The following ADORA2B variants were observed in gnomAD, a reference collection of about 807,000 sequenced individuals.
The protein encoded by ADORA2B is adenosine receptor A2b.
In ADORA2B, 18 loss-of-function variants were observed where a neutral mutation model predicts 20.8. The observed-to-expected ratio is 0.87, with a 90% CI of 0.60 to 1.29. The LOEUF (loss-of-function observed/expected upper bound fraction) is 1.29. Ranked by LOEUF, ADORA2B falls within the 50% of genes most tolerant of loss-of-function variation. ADORA2B has a pLI of 0.00. For missense variants in ADORA2B, 441 were observed against 422.7 expected (o/e 1.04, Z -0.38); for synonymous variants, 179 against 178.3 (o/e 1.00, Z -0.03).
At chr17:15,913,994 C>A in the ADORA2B span, among the ~76,000 whole-genome samples, 1 of 152,150 alleles carries the variant, frequency 6.6e-6, no homozygotes, top group African/African-American at 2.4e-5. Flanking sequence ...GCAGAGTCTT[C>A]GATCTTCTCA....
At chr17:15,917,210 G>A in the ADORA2B span, among the ~76,000 whole-genome samples, 3 of 152,348 alleles carry the variant, frequency 2.0e-5, no homozygotes, top group East Asian at 5.8e-4. Flanking sequence ...AGTCAGAGGC[G>A]GGAGAATCGC....
At chr17:15,969,103 ACATGCCCTGGACCCTGCATCCTCCAC>A (rs1471775528) in intron 1 of ADORA2B, among the ~76,000 whole-genome samples, 10 of 152,006 alleles carry the variant, frequency 6.6e-5, no homozygotes, top group African/African-American at 2.4e-4. Flanking sequence ...GTCCTTCCCC[ACATGCCCTGGACCCTGCATCCTCCAC>A]CTCCTCCCAT....
chr17:15,974,652 C>A (rs547618661), intron 1 of ADORA2B, 27 bp from the exon 2 acceptor site: 29 of 1,594,790 alleles, frequency 1.8e-5, no homozygotes, highest in Admixed American at 3.4e-5. Context: ...ATAAACTGAC[C>A]GTAACAGATG....
chr17:15,883,979 C>T, the ADORA2B span, among the ~76,000 whole-genome samples: 1 of 152,138 alleles, frequency 6.6e-6, no homozygotes, highest in Non-Finnish European at 1.5e-5. Flanking sequence ...GACCACAATC[C>T]CATGAGTCAG....
At chr17:15,855,209 G>T in the ADORA2B span, among the ~76,000 whole-genome samples, 132 of 152,252 alleles carry the variant, frequency 8.7e-4, no homozygotes, top group African/African-American at 2.8e-3. Flanking sequence ...GGGATTACAG[G>T]CATGAGCCAC....
chr17:15,900,794 A>G, the ADORA2B span, among the ~76,000 whole-genome samples: 4 of 152,208 alleles, frequency 2.6e-5, no homozygotes, highest in East Asian at 1.9e-4. Context: ...AGAGGATGCA[A>G]TCTTTAAAAG....
the ADORA2B span, among the ~76,000 whole-genome samples, chr17:15,872,709 G>A: frequency 3.7e-4 from 57 of 152,214 alleles, no homozygotes; most frequent in African/African-American, 1.2e-3. Flanking sequence ...CAGCTTCGTC[G>A]TTGTTGGTGT....
At chr17:15,965,158 T>C (rs1970100149) in intron 1 of ADORA2B, among the ~76,000 whole-genome samples, 1 of 152,236 alleles carries the variant, frequency 6.6e-6, no homozygotes, top group African/African-American at 2.4e-5. Flanking sequence ...CCCTCTTATA[T>C]AGATAGCCTC....
At chr17:15,868,617 CA>C in the ADORA2B span, among the ~76,000 whole-genome samples, 128 of 101,430 alleles carry the variant, frequency 1.3e-3, 1 homozygote, top group East Asian at 1.5e-3. Flanking sequence ...ACTAAAAATA[CA>C]AAAAAAAAAA....
the ADORA2B span, among the ~76,000 whole-genome samples, chr17:15,874,048 A>G: frequency 5.2e-5 from 6 of 116,128 alleles, no homozygotes; most frequent in South Asian, 3.0e-4. Flanking sequence ...ATGTGTATAT[A>G]TATATATATA....
At chr17:15,876,425 C>T in the ADORA2B span, among the ~76,000 whole-genome samples, 38 of 126,414 alleles carry the variant, frequency 3.0e-4, no homozygotes, top group South Asian at 7.6e-4. Flanking sequence ...TTTTTTTTTT[C>T]TTTCTTTCTT....
chr17:15,929,521 C>G, the ADORA2B span, among the ~76,000 whole-genome samples: 1 of 152,196 alleles, frequency 6.6e-6, no homozygotes, highest in Admixed American at 6.5e-5. Flanking sequence ...GAGCACTGTG[C>G]TCTCCTCCCT....
the ADORA2B span, among the ~76,000 whole-genome samples, chr17:15,853,952 TTTATTTAC>T: frequency 1.3e-5 from 2 of 152,082 alleles, no homozygotes; most frequent in African/African-American, 4.8e-5. Context: ...CATTTATTTA[TTTATTTAC>T]TTATTTATTT....
intron 1 of ADORA2B, among the ~76,000 whole-genome samples, chr17:15,967,945 C>T (rs974156886): frequency 3.9e-5 from 6 of 152,200 alleles, no homozygotes; most frequent in African/African-American, 1.4e-4. Flanking sequence ...TCAGCAAAGC[C>T]TATCTGTTCC....
At chr17:15,886,519 A>G in the ADORA2B span, among the ~76,000 whole-genome samples, 2 of 130,130 alleles carry the variant, frequency 1.5e-5, no homozygotes, top group East Asian at 4.1e-4. Context: ...TTCTGGACAC[A>G]GGTAAATGCT....
At chr17:15,967,020 T>C (rs923703840) in intron 1 of ADORA2B, among the ~76,000 whole-genome samples, 3 of 152,008 alleles carry the variant, frequency 2.0e-5, no homozygotes, top group African/African-American at 7.3e-5. Context: ...CATGCAGACC[T>C]GAGGGTGTTC....
At chr17:15,938,719 A>G in the ADORA2B span, among the ~76,000 whole-genome samples, 9 of 152,340 alleles carry the variant, frequency 5.9e-5, no homozygotes, top group South Asian at 1.7e-3. Context: ...AATTGCCAGT[A>G]ATGGTTATAT....
chr17:15,945,920 T>G (rs1180487633), intron 1 of ADORA2B, among the ~76,000 whole-genome samples: 1 of 150,986 alleles, frequency 6.6e-6, no homozygotes, highest in Non-Finnish European at 1.5e-5. Context: ...CGTGGGCGGG[T>G]GGAGCCCGGG....
chr17:15,896,779 C>CA, the ADORA2B span, among the ~76,000 whole-genome samples: 3 of 152,264 alleles, frequency 2.0e-5, no homozygotes, highest in South Asian at 6.2e-4. Flanking sequence ...CTTCCACCTG[C>CA]AGGGCAGGAA....
Sources: gnomAD v4.1 joint callset for allele counts (sites outside exome capture counted in the v4.1 genomes callset) on GRCh38, gnomAD v4.1.1 for gene constraint, MANE v1.5 for transcripts, NCBI Gene and HGNC (gene_info 2026-07-23, HGNC 2026-07-21) for gene names.